ENOSF1: variants seen among roughly 807,000 people sequenced by gnomAD.
The protein encoded by ENOSF1 is enolase superfamily member 1, also known as mitochondrial enolase superfamily member 1.
Under a neutral mutation model 68.2 loss-of-function variants are expected in ENOSF1, and 73 were observed. That is an observed-to-expected ratio of 1.07 (90% CI 0.89 to 1.30). The LOEUF is 1.30. Ranked by LOEUF, ENOSF1 falls within the 50% of genes most tolerant of loss-of-function variation. ENOSF1 has a pLI of 0.00. For missense variants in ENOSF1, 589 were observed against 554.5 expected, an observed-to-expected ratio of 1.06 and a Z score of -0.62; for synonymous variants, 223 against 210.4, an observed-to-expected ratio of 1.06 and a Z score of -0.52.
Position 712,612 on chromosome 18 carries a change from C to A in ENOSF1, c.-25G>T, listed in dbSNP as rs1157600622. The A allele has an allele frequency of 3.9e-6, 6 of 1,528,064 alleles. No homozygotes were observed. The highest frequency in any genetic ancestry group is 2.0e-5 in the Admixed American group (1 of 50,668). The allele number at this position is 1,528,064 out of a possible 1,614,324, so 94.7% of individuals were successfully genotyped here. A position where few individuals can be genotyped will look rare whatever the true frequency, so the allele number is the denominator to read the frequency against. On this transcript the variant is annotated 5_prime_UTR_variant, in exon 1 of 16. Coordinates refer to ENST00000647584, the MANE Select transcript of ENOSF1 (RefSeq NM_017512.7). ...TGGCCCCTGCGCCCCGTGGCCGCGG[C>A]CCCCGTGCGGTCAGGACTGGTCGGG... is the stretch of plus-strand genomic sequence containing the variant.
At chr18:684,849 G>A (rs751081363) in intron 10 of ENOSF1, among the ~76,000 whole-genome samples, 12 of 148,852 alleles carry the variant, frequency 8.1e-5, no homozygotes, top group Non-Finnish European at 1.3e-4. Flanking sequence ...CCAGAGGACA[G>A]TATGCTCAGA....
At position 673,070 on chromosome 18, in the gene ENOSF1, T is replaced by A. The variant is rs2075140396; in HGVS notation, c.*1235A>T. The A allele has an allele frequency of 1.4e-6, 2 of 1,424,046 alleles. No homozygotes were observed. The highest frequency in any genetic ancestry group is 1.9e-6 in the Non-Finnish European group (2 of 1,070,782). 88.2% of individuals were successfully genotyped at this position (1,424,046 alleles called of 1,614,324 possible). ...GGCTGGATGCCGAGGTAAAAGTTCT[T>A]TTTGCTCTAAAAGAAAAAGGAACTA... On this transcript the variant is annotated 3_prime_UTR_variant, in exon 16 of 16. Coordinates refer to ENST00000647584, the MANE Select transcript of ENOSF1 (RefSeq NM_017512.7).
intron 3 of ENOSF1, among the ~76,000 whole-genome samples, chr18:696,269 T>C (rs895506695): frequency 2.1e-5 from 3 of 143,598 alleles, no homozygotes; most frequent in Admixed American, 7.4e-5. Context: ...TGGAGTGCAG[T>C]GGTGCGATCT....
rs1181382532 is a variant in ENOSF1 at position 674,305 on chromosome 18, T to TTAA, written c.1329_1331dup (p.Asn443_Ter444insTyr). 1 of 1,605,426 alleles carries TTAA rather than the reference T, an allele frequency of 6.2e-7. No individual in the cohort carries two copies. Among genetic ancestry groups the TTAA allele is most frequent in the Admixed American group, 1.7e-5 (1 of 58,694 alleles). The stretch of plus-strand genomic sequence containing the variant: ...GAAAAAAGTTGTTGGGGCTGAGCAC[T>TTAA]TAATTTTCTTGAGCAGGAAGGAGTT... On this transcript the variant is annotated inframe_insertion, in exon 16 of 16. Transcript: ENST00000647584.
the ENOSF1 span, among the ~76,000 whole-genome samples, chr18:664,478 C>T: frequency 2.1e-4 from 30 of 142,302 alleles, no homozygotes; most frequent in South Asian, 7.3e-3. Context: ...GACAATTTGA[C>T]TTCCTCTTTT....
At chr18:697,478 C>CG in intron 2 of ENOSF1, 123 bp from the exon 3 acceptor site, 2 of 748,816 alleles carry the variant, frequency 2.7e-6, no homozygotes, top group Non-Finnish European at 4.3e-6. Flanking sequence ...AGGCCAGGCG[C>CG]GGTGGCTCAT....
At chr18:697,985 AGTTTC>A (rs1018396594) in intron 2 of ENOSF1, among the ~76,000 whole-genome samples, 1 of 152,074 alleles carries the variant, frequency 6.6e-6, no homozygotes, top group African/African-American at 2.4e-5. Context: ...GTAGAGACGC[AGTTTC>A]GACATGCTGC....
In ENOSF1 at chr18:671,826, G is replaced by A. The variant is rs1205541712; in HGVS notation, c.*2479C>T. 1 of 241,460 alleles carries A rather than the reference G, an allele frequency of 4.1e-6. No homozygotes were observed. Among genetic ancestry groups the A allele is most frequent in the Non-Finnish European group, 8.0e-6 (1 of 124,700 alleles). The allele number at this position is 241,460 out of a possible 1,614,324, so 15.0% of individuals were successfully genotyped here. A position where few individuals can be genotyped will look rare whatever the true frequency, so the allele number is the denominator to read the frequency against. Reference sequence around the variant, plus strand: ...GGAGTCTTTCTCTGTCGGCCAGGCTGGAGTGTGCCGTGGTGCGATCTCAGC... The same window carrying A: ...GGAGTCTTTCTCTGTCGGCCAGGCTAGAGTGTGCCGTGGTGCGATCTCAGC... On this transcript the variant is annotated 3_prime_UTR_variant, in exon 16 of 16. Coordinates refer to ENST00000647584, the MANE Select transcript of ENOSF1 (RefSeq NM_017512.7).
rs1403642449 is a variant in ENOSF1, at chr18:671,297, G to A, written c.*3008C>T. ...ATTTTTTTAAAAAAAGCCTTGCGGT[G>A]TCTGCATATTCTAATGTTTTTAAAT... On this transcript the variant is annotated 3_prime_UTR_variant, in exon 16 of 16. Coordinates refer to ENST00000647584, the MANE Select transcript of ENOSF1 (RefSeq NM_017512.7). 4 of 923,848 alleles carry A rather than the reference G, an allele frequency of 4.3e-6. No homozygotes were observed. The highest frequency in any genetic ancestry group is 7.1e-6 in the Non-Finnish European group (4 of 561,168). 57.2% of individuals were successfully genotyped at this position (923,848 alleles called of 1,614,324 possible).
chr18:707,286 A>C (rs1273396380), intron 1 of ENOSF1, among the ~76,000 whole-genome samples: 1 of 152,090 alleles, frequency 6.6e-6, no homozygotes, highest in Non-Finnish European at 1.5e-5. Flanking sequence ...GGGCCTCTTA[A>C]AGTGCTGGGA....
chr18:702,670 G>A (rs938103890), intron 2 of ENOSF1, among the ~76,000 whole-genome samples: 2 of 151,004 alleles, frequency 1.3e-5, no homozygotes, highest in African/African-American at 4.9e-5. Context: ...AGTCTGGAAG[G>A]TCAAGGCTGT....
intron 2 of ENOSF1, among the ~76,000 whole-genome samples, chr18:698,339 A>G (rs138859955): frequency 6.6e-6 from 1 of 152,366 alleles, no homozygotes; most frequent in African/African-American, 2.4e-5. Flanking sequence ...AGGAATAAGA[A>G]GGCTGACTTC....
At chr18:665,118 G>T in the ENOSF1 span, among the ~76,000 whole-genome samples, 3 of 151,118 alleles carry the variant, frequency 2.0e-5, no homozygotes, top group Non-Finnish European at 4.4e-5. Flanking sequence ...TGTACCTCTG[G>T]TAGAATTCGG....
In ENOSF1 at chr18:697,221, T is replaced by C. The variant is rs2077827013; in HGVS notation, c.309+19A>G. The C allele has an allele frequency of 6.4e-7, 1 of 1,573,734 alleles. No individual in the cohort carries two copies. Among genetic ancestry groups the C allele is most frequent in the South Asian group, 1.1e-5 (1 of 90,276 alleles). ...GGTAATATTACTTATGTAAGCATTTTACAAAATAGGTCCCTTACCCATCTG... is the reference window on the plus strand; with the variant it reads ...GGTAATATTACTTATGTAAGCATTTCACAAAATAGGTCCCTTACCCATCTG... On this transcript the variant is annotated intron_variant, in intron 3 of 15. Transcript: ENST00000647584.
intron 9 of ENOSF1, chr18:686,282 T>C (rs2076604327): frequency 5.2e-6 from 2 of 383,232 alleles, no homozygotes; most frequent in Admixed American, 4.2e-5. Context: ...ATTAACTCCG[T>C]TTTTGCCGGG....
At chr18:688,966 G>T (rs569359352) in intron 8 of ENOSF1, among the ~76,000 whole-genome samples, 7 of 152,182 alleles carry the variant, frequency 4.6e-5, no homozygotes, top group Non-Finnish European at 7.3e-5. Context: ...CCACTCTCTA[G>T]AAGTGGGCAC....
At chr18:708,958 C>A (rs1334195979) in intron 1 of ENOSF1, among the ~76,000 whole-genome samples, 2 of 152,056 alleles carry the variant, frequency 1.3e-5, no homozygotes, top group African/African-American at 4.8e-5. Flanking sequence ...AAAAAGGAAA[C>A]CTTGCACTGA....
chr18:669,868 G>A (rs190174434), downstream of ENOSF1, among the ~76,000 whole-genome samples: 12 of 151,876 alleles, frequency 7.9e-5, 1 homozygote, highest in East Asian at 1.6e-3. Context: ...AGGCCAAGGC[G>A]AGAGGATCAT....
intron 3 of ENOSF1, among the ~76,000 whole-genome samples, chr18:694,836 T>C (rs2077559417): frequency 6.6e-6 from 1 of 152,144 alleles, no homozygotes; most frequent in Non-Finnish European, 1.5e-5. Flanking sequence ...ATGTTAAGTA[T>C]ATGTATGTAT....
Sources: gnomAD v4.1 joint callset for allele counts (sites outside exome capture counted in the v4.1 genomes callset) on GRCh38, gnomAD v4.1.1 for gene constraint, MANE v1.5 for transcripts, NCBI Gene and HGNC (gene_info 2026-07-23, HGNC 2026-07-21) for gene names.